The following PPP1R36 variants were observed in gnomAD, a reference collection of about 807,000 sequenced individuals.
PPP1R36 encodes the protein protein phosphatase 1 regulatory subunit 36, also known as chromosome 14 open reading frame 50.
PPP1R36 carries 47 observed loss-of-function variants against 53.4 expected under a neutral mutation model. The ratio of observed to expected loss-of-function variants is 0.88; its 90% CI spans 0.70 to 1.12. The LOEUF (loss-of-function observed/expected upper bound fraction) is 1.12, where lower values mean the gene tolerates loss of function less well. Among genes scored for constraint, PPP1R36 ranks in the 50% most tolerant of loss-of-function variants. PPP1R36 has a pLI of 0.00. For missense variants in PPP1R36, 456 were observed against 513.9 expected (o/e 0.89, Z 1.09); for synonymous variants, 153 against 170.5 (o/e 0.90, Z 0.80).
intron 5 of PPP1R36, 74 bp from the exon 6 acceptor site, chr14:64,565,552 A>C: frequency 1.4e-6 from 2 of 1,436,476 alleles, no homozygotes; most frequent in South Asian, 2.3e-5. Flanking sequence ...TAACATCCAT[A>C]CATAAACGTA....
chr14:64,561,249 T>A (rs2080203305), intron 3 of PPP1R36, among the ~76,000 whole-genome samples: 1 of 152,166 alleles, frequency 6.6e-6, no homozygotes, highest in South Asian at 2.1e-4. Flanking sequence ...CAAGAAAAGA[T>A]GATCCCTTTC....
At chr14:64,564,882 T>G in intron 4 of PPP1R36, 45 bp downstream of exon 4, 3 of 1,305,860 alleles carry the variant, frequency 2.3e-6, no homozygotes, top group Non-Finnish European at 3.3e-6. Flanking sequence ...ATAGCATCTC[T>G]CAGTGGAATG....
intron 4 of PPP1R36, 111 bp from the exon 5 acceptor site, chr14:64,565,246 G>T: frequency 1.5e-6 from 1 of 670,426 alleles, no homozygotes; most frequent in South Asian, 2.1e-5. Flanking sequence ...ACCCATGTAT[G>T]ACACTCAGGC....
chr14:64,553,129 A>G (rs953349003), intron 3 of PPP1R36, among the ~76,000 whole-genome samples: 7 of 151,678 alleles, frequency 4.6e-5, no homozygotes, highest in Admixed American at 4.6e-4. Flanking sequence ...TGTTTTTTGT[A>G]TTTTTAGTAG....
intron 8 of PPP1R36, among the ~76,000 whole-genome samples, chr14:64,582,352 T>A: frequency 6.6e-6 from 1 of 152,212 alleles, no homozygotes; most frequent in Non-Finnish European, 1.5e-5. Context: ...AATCATAAAA[T>A]ATACTTTCCT....
chr14:64,588,741 G>A (rs2080458641), intron 11 of PPP1R36, among the ~76,000 whole-genome samples: 1 of 151,792 alleles, frequency 6.6e-6, no homozygotes, highest in South Asian at 2.1e-4. Flanking sequence ...TGTATTTTTA[G>A]TAGAGATGGG....
chr14:64,565,813 C>T (rs1281429798), intron 6 of PPP1R36, 121 bp downstream of exon 6: 2 of 757,138 alleles, frequency 2.6e-6, no homozygotes, highest in Middle Eastern at 3.7e-4. Flanking sequence ...CTATGCAAGC[C>T]ATCCTCTCAG....
At chr14:64,551,559 G>T (rs947251137) in intron 2 of PPP1R36, 1 of 455,922 alleles carries the variant, frequency 2.2e-6, no homozygotes, top group African/African-American at 2.0e-5. Context: ...CACTGATTGT[G>T]TGCCAGATAT....
intron 8 of PPP1R36, among the ~76,000 whole-genome samples, chr14:64,583,469 T>C (rs2140248287): frequency 6.6e-6 from 1 of 152,256 alleles, no homozygotes; most frequent in South Asian, 2.1e-4. Flanking sequence ...CATGACATTC[T>C]GTACTTAATT....
At chr14:64,582,700 G>A (rs1190113720) in intron 8 of PPP1R36, among the ~76,000 whole-genome samples, 1 of 152,032 alleles carries the variant, frequency 6.6e-6, no homozygotes, top group African/African-American at 2.4e-5. Context: ...TGGGGGTTTG[G>A]ATAAAATTTA....
intron 8 of PPP1R36, among the ~76,000 whole-genome samples, chr14:64,576,925 C>A (rs1217246686): frequency 6.6e-6 from 1 of 152,234 alleles, no homozygotes; most frequent in Non-Finnish European, 1.5e-5. Flanking sequence ...GTGGCCCCAG[C>A]TGTTGCACCT....
chr14:64,580,061 AGAC>A (rs1433021981), intron 8 of PPP1R36, among the ~76,000 whole-genome samples: 3 of 152,236 alleles, frequency 2.0e-5, no homozygotes, highest in Non-Finnish European at 4.4e-5. Context: ...GCACTTTGGG[AGAC>A]TGAGGCAGGA....
Position 64,580,287 on chromosome 14 carries a change from G to A in PPP1R36, c.668+5698G>A, listed in dbSNP as rs562938632. 3.9e-4 allele frequency among the ~76,000 whole-genome samples: 59 copies of A among 152,278 alleles called. 1 individual carries two copies. In the South Asian group the frequency reaches 0.012, roughly 30 times the overall value. ...CTTACTGCACTCCAACCTGGTGACA[G>A]AACAACACCCTGCCTCAAAAAAATT... On this transcript the variant is annotated intron_variant, in intron 8 of 11. Coordinates refer to ENST00000298705, the MANE Select transcript of PPP1R36 (RefSeq NM_172365.3).
At chr14:64,577,718 CTTTTTTTTTT>C (rs10667127) in intron 8 of PPP1R36, among the ~76,000 whole-genome samples, 3 of 94,450 alleles carry the variant, frequency 3.2e-5, no homozygotes, top group Admixed American at 1.5e-4. Flanking sequence ...GCCATGATTA[CTTTTTTTTTT>C]TTTTTTTTTT....
chr14:64,586,606 A>G, intron 8 of PPP1R36: 1 of 389,292 alleles, frequency 2.6e-6, no homozygotes. Flanking sequence ...GTTTACCCCA[A>G]ATTTATATTG....
At chr14:64,561,814 A>G (rs1366250211) in intron 3 of PPP1R36, 1 of 455,858 alleles carries the variant, frequency 2.2e-6, no homozygotes, top group Non-Finnish European at 4.4e-6. Flanking sequence ...CTGGCAGAGA[A>G]CCAGCAGTCT....
rs200176109 is a variant in PPP1R36, at chr14:64,587,342, A to G, written c.860A>G (p.Glu287Gly). The change falls in exon 10 of 12, where the codon GAA becomes GGA. Residue 287 changes from glutamate to glycine, a missense_variant. Physicochemically the swap from Glu to Gly is moderately conservative, Grantham distance 98. Transcript: ENST00000298705. ...CGTGAAGATGAGGAATCAGGAGGGG[A>G]AAAGAAACGCATGACTTTTGTTCAG... The part of the protein sequence containing the change: ...RRREDEESGG[E>G]KKRMTFVQFR... 44 of 1,613,224 alleles carry G rather than the reference A, an allele frequency of 2.7e-5. No homozygotes were observed. In the East Asian group the frequency reaches 9.6e-4, roughly 35 times the overall value.
intron 7 of PPP1R36, among the ~76,000 whole-genome samples, chr14:64,573,639 G>A (rs969294041): frequency 6.6e-6 from 1 of 152,126 alleles, no homozygotes; most frequent in African/African-American, 2.4e-5. Context: ...TAGGCCGGGT[G>A]TGGTGGTTCA....
chr14:64,552,466 G>C (rs2080102592), intron 2 of PPP1R36, among the ~76,000 whole-genome samples: 1 of 152,052 alleles, frequency 6.6e-6, no homozygotes, highest in South Asian at 2.1e-4. Context: ...TCCAGCCTGG[G>C]CGACAGAGAG....
Sources: allele counts gnomAD v4.1 joint callset (sites outside exome capture counted in the v4.1 genomes callset), GRCh38; gene constraint gnomAD v4.1.1; transcripts MANE v1.5; gene names NCBI Gene and HGNC (gene_info 2026-07-23, HGNC 2026-07-21).